Variants in APBA1 observed in about 807,000 individuals in gnomAD.
The protein encoded by APBA1 is amyloid-beta A4 precursor protein-binding family A member 1.
APBA1 carries 55 observed loss-of-function variants against 86.6 expected under a neutral mutation model. The observed-to-expected ratio is 0.64, with a 90% CI of 0.51 to 0.80. The LOEUF (loss-of-function observed/expected upper bound fraction) is 0.80, where lower values mean the gene tolerates loss of function less well. Among genes scored for constraint, APBA1 ranks in the 30% least tolerant of loss-of-function variants. The probability of loss-of-function intolerance (pLI) is 0.00; values close to 1 mark genes in which losing one functional copy is unlikely to be tolerated. For synonymous variants in APBA1, 511 were observed against 493.9 expected, an observed-to-expected ratio of 1.03 and a Z score of -0.46; for missense variants, 1,090 against 1,183.0, an observed-to-expected ratio of 0.92 and a Z score of 1.15.
rs1260368461 is a variant in APBA1 at position 69,450,066 on chromosome 9, T to TG, written c.1969-271_1969-270insC. ...CCATGAGGACCACCAGTTTTTTTTTTTTTTTTTTTTTTTTTTAATTTCTTC... is the reference window on the plus strand; with the variant it reads ...CCATGAGGACCACCAGTTTTTTTTTTGTTTTTTTTTTTTTTTTAATTTCTTC... On this transcript the variant is annotated intron_variant, in intron 9 of 12. Coordinates refer to ENST00000265381, the MANE Select transcript of APBA1 (RefSeq NM_001163.4). Among the ~76,000 whole-genome samples, 7 of 149,372 alleles carry TG rather than the reference T, an allele frequency of 4.7e-5. No homozygotes were observed. The East Asian group carries it at 1.2e-3, about 25-fold the overall frequency.
intron 2 of APBA1, among the ~76,000 whole-genome samples, chr9:69,499,291 T>C (rs1255669970): frequency 6.6e-6 from 1 of 152,068 alleles, no homozygotes; most frequent in East Asian, 1.9e-4. Context: ...TCCCTAGGAA[T>C]ACATCACATT....
chr9:69,567,626 A>G (rs774528072), intron 1 of APBA1, among the ~76,000 whole-genome samples: 4 of 151,784 alleles, frequency 2.6e-5, no homozygotes, highest in Admixed American at 6.6e-5. Context: ...CCTGTGTCCA[A>G]ATGTTCTCAT....
intron 1 of APBA1, among the ~76,000 whole-genome samples, chr9:69,526,877 C>T (rs1447994158): frequency 6.6e-6 from 1 of 152,046 alleles, no homozygotes; most frequent in East Asian, 1.9e-4. Flanking sequence ...ACACCATACA[C>T]CATGGAATAC....
intron 1 of APBA1, among the ~76,000 whole-genome samples, chr9:69,582,362 C>T (rs1001235597): frequency 6.6e-6 from 1 of 152,184 alleles, no homozygotes; most frequent in Non-Finnish European, 1.5e-5. Flanking sequence ...CTACCTGCTT[C>T]TACTGCGGGA....
intron 1 of APBA1, among the ~76,000 whole-genome samples, chr9:69,627,389 A>G (rs1822954675): frequency 1.3e-5 from 2 of 152,090 alleles, no homozygotes; most frequent in Admixed American, 6.6e-5. Flanking sequence ...TAGAGAATAT[A>G]TCCTCCCCCA....
intron 11 of APBA1, among the ~76,000 whole-genome samples, chr9:69,435,714 G>A (rs1443586513): frequency 6.6e-6 from 1 of 152,182 alleles, no homozygotes; most frequent in Non-Finnish European, 1.5e-5. Flanking sequence ...TGAGCAGGTT[G>A]TAAAAATTTT....
At chr9:69,456,099 G>A in intron 8 of APBA1, 148 bp downstream of exon 8, 1 of 900,810 alleles carries the variant, frequency 1.1e-6, no homozygotes, top group Non-Finnish European at 1.7e-6. Flanking sequence ...GTTTTACTCA[G>A]CCTTATATCT....
At chr9:69,571,173 A>C (rs1260855378) in intron 1 of APBA1, among the ~76,000 whole-genome samples, 8 of 152,216 alleles carry the variant, frequency 5.3e-5, no homozygotes, top group Non-Finnish European at 1.2e-4. Context: ...TTACCTGTTG[A>C]ATGAATGCAT....
In APBA1 at chr9:69,427,663, G is replaced by A. The variant is rs1024117624; in HGVS notation, c.*3664C>T. On this transcript the variant is annotated 3_prime_UTR_variant, in exon 13 of 13. Coordinates refer to ENST00000265381, the MANE Select transcript of APBA1 (RefSeq NM_001163.4). ...ACTGGATGACTGTGGCCACGGGACG[G>A]AGGAGGGAGGGAGGGAGGGACCAGT... 1.3e-5 allele frequency: 2 copies of A among 150,852 alleles called. No individual in the cohort carries two copies. Among genetic ancestry groups the A allele is most frequent in the Non-Finnish European group, 3.0e-5 (2 of 67,608 alleles). 9.3% of individuals were successfully genotyped at this position (150,852 alleles called of 1,614,324 possible). A position where few individuals can be genotyped will look rare whatever the true frequency, so the allele number is the denominator to read the frequency against.
chr9:69,624,823 C>T (rs1822898017), intron 1 of APBA1, among the ~76,000 whole-genome samples: 1 of 152,180 alleles, frequency 6.6e-6, no homozygotes, highest in Admixed American at 6.5e-5. Flanking sequence ...TTTAGATAGA[C>T]ATCAACAATA....
rs558485883 is a variant in APBA1, at chr9:69,616,450, C to A, written c.-70+55703G>T. ...CCTAGGTTCACGGCTCAAAACCATG[C>A]GAACTGGGATTGTCATAGTACTATT... On this transcript the variant is annotated intron_variant, in intron 1 of 12. Transcript: ENST00000265381. Among the ~76,000 whole-genome samples the A allele has an allele frequency of 9.9e-5, 15 of 152,226 alleles. No homozygotes were observed. The South Asian group carries it at 2.9e-3, about 29-fold the overall frequency.
chr9:69,657,805 A>G lies in APBA1; in HGVS notation c.-70+14348T>C, dbSNP rs1408081548. On this transcript the variant is annotated intron_variant, in intron 1 of 12. Transcript: ENST00000265381. Reference sequence around the variant, plus strand: ...ACTCCTGGTTTAACGTGACAAATTTACCACCTTAATACCATCAATTATATA... The same window carrying G: ...ACTCCTGGTTTAACGTGACAAATTTGCCACCTTAATACCATCAATTATATA... Among the ~76,000 whole-genome samples, 6 of 152,342 alleles carry G rather than the reference A, an allele frequency of 3.9e-5. No individual in the cohort carries two copies. The East Asian group carries it at 9.6e-4, about 24-fold the overall frequency.
chr9:69,575,859 G>T (rs2133952055), intron 1 of APBA1, among the ~76,000 whole-genome samples: 1 of 152,244 alleles, frequency 6.6e-6, no homozygotes, highest in East Asian at 1.9e-4. Context: ...TGACAAATGG[G>T]ATCTAATTAA....
chr9:69,518,954 C>T (rs933896081), intron 1 of APBA1, among the ~76,000 whole-genome samples: 1 of 152,138 alleles, frequency 6.6e-6, no homozygotes, highest in African/African-American at 2.4e-5. Flanking sequence ...GATGGATCCA[C>T]CCCTGACTGA....
intron 1 of APBA1, among the ~76,000 whole-genome samples, chr9:69,539,739 A>G (rs1034705445): frequency 6.6e-6 from 1 of 151,870 alleles, no homozygotes; most frequent in Non-Finnish European, 1.5e-5. Flanking sequence ...CCTGCTTTGC[A>G]CTCTCCTTTC....
upstream of APBA1, among the ~76,000 whole-genome samples, chr9:69,672,590 T>G (rs1823979243): frequency 6.7e-6 from 1 of 149,806 alleles, no homozygotes; most frequent in Admixed American, 6.6e-5. Context: ...ATGTCCTCCG[T>G]GGGCCGCCGG....
Position 69,428,567 on chromosome 9 carries a change from C to G in APBA1, c.*2760G>C, listed in dbSNP as rs1437491039. 6.6e-6 allele frequency: 1 copy of G among 152,284 alleles called. No homozygotes were observed. Among genetic ancestry groups the G allele is most frequent in the East Asian group, 1.9e-4 (1 of 5,198 alleles). 9.4% of individuals were successfully genotyped at this position (152,284 alleles called of 1,614,324 possible). On this transcript the variant is annotated 3_prime_UTR_variant, in exon 13 of 13. Transcript: ENST00000265381. ...CCAGCACACCCTGGTGGAGCAGCCA[C>G]AGCAGCTCTGTGCCCTCACAGCGTT...
intron 1 of APBA1, among the ~76,000 whole-genome samples, chr9:69,621,216 G>A (rs953057193): frequency 2.0e-5 from 3 of 152,184 alleles, no homozygotes; most frequent in Non-Finnish European, 4.4e-5. Flanking sequence ...TGGCCATCTA[G>A]TCATCTTGAT....
chr9:69,628,954 G>T (rs892952344), intron 1 of APBA1, among the ~76,000 whole-genome samples: 1 of 152,176 alleles, frequency 6.6e-6, no homozygotes, highest in Non-Finnish European at 1.5e-5. Context: ...TATTTCATGT[G>T]TTAATCTCCT....
Sources: gnomAD v4.1 joint callset for allele counts (sites outside exome capture counted in the v4.1 genomes callset) on GRCh38, gnomAD v4.1.1 for gene constraint, MANE v1.5 for transcripts, NCBI Gene and HGNC (gene_info 2026-07-23, HGNC 2026-07-21) for gene names.